IWS1: variants seen among roughly 807,000 people sequenced by gnomAD.
IWS1 encodes the protein interacts with SUPT6H, CTD assembly factor 1.
In IWS1, 27 loss-of-function variants were observed where a neutral mutation model predicts 86.7. The ratio of observed to expected loss-of-function variants is 0.31; its 90% confidence interval spans 0.23 to 0.43. IWS1 has a LOEUF of 0.43. Among genes scored for constraint, IWS1 ranks in the 20% least tolerant of loss-of-function variants. The probability of loss-of-function intolerance (pLI) is 1.00; values close to 1 mark genes in which losing one functional copy is unlikely to be tolerated. For synonymous variants in IWS1, 313 were observed against 335.1 expected (o/e 0.93, Z 0.72); for missense variants, 827 against 1,000.8 (o/e 0.83, Z 2.34).
In IWS1 at chr2:127,505,603, A is replaced by G. The variant is rs779955170; in HGVS notation, c.300T>C (p.Arg100=). The change falls in exon 3 of 14, where the codon CGT becomes CGC. Residue 100 remains arginine, a synonymous_variant. Transcript: ENST00000295321. This position sits in a 1 kb window ranked among gnomAD's most constrained non-coding sequence, Gnocchi z 5.0. ...QKDSDSESEE[R]AEPPASDSEN... ...CAGAATCGCTTGCAGGAGGCTCTGC[A>G]CGTTCCTCAGATTCAGAGTCGCTGT... 124 of 1,613,722 alleles carry G rather than the reference A, an allele frequency of 7.7e-5. No homozygotes were observed. The highest frequency in any genetic ancestry group is 1.0e-4 in the Non-Finnish European group (118 of 1,179,958).
intron 2 of IWS1, among the ~76,000 whole-genome samples, chr2:127,515,933 G>A (rs1286825709): frequency 5.9e-5 from 9 of 152,152 alleles, no homozygotes; most frequent in Non-Finnish European, 1.3e-4. Flanking sequence ...GCTAAGTTCC[G>A]AAAGACTGCA....
chr2:127,498,568 A>G (rs1690631419), intron 5 of IWS1: 1 of 185,010 alleles, frequency 5.4e-6, no homozygotes, highest in Admixed American at 6.1e-5. Flanking sequence ...CCATGTCAGT[A>G]TTAAGTCTTG....
chr2:127,490,357 T>A (rs971700575), intron 10 of IWS1, among the ~76,000 whole-genome samples: 57 of 152,342 alleles, frequency 3.7e-4, no homozygotes, highest in African/African-American at 1.3e-3. Flanking sequence ...CAAACTCCTT[T>A]ACAACTACCT....
At chr2:127,482,747 G>C (rs1015173712) in intron 13 of IWS1, 1 of 152,206 alleles carries the variant, frequency 6.6e-6, no homozygotes, top group South Asian at 2.1e-4. Flanking sequence ...AGTTGCAGAT[G>C]CCTACTTACC....
intron 2 of IWS1, among the ~76,000 whole-genome samples, chr2:127,510,263 C>G (rs1691377041): frequency 6.6e-6 from 1 of 152,108 alleles, no homozygotes. Flanking sequence ...CTGAGAAACC[C>G]TGCAGTAAAA....
chr2:127,486,405 T>A (rs912136887), intron 13 of IWS1, 148 bp downstream of exon 13: 2 of 588,826 alleles, frequency 3.4e-6, no homozygotes, highest in African/African-American at 3.7e-5. Flanking sequence ...ATTGCTCAAT[T>A]TGTGGTTTGG....
At chr2:127,488,989 GAATT>G (rs1289284135) in intron 12 of IWS1, among the ~76,000 whole-genome samples, 186 bp downstream of exon 12, 9 of 152,152 alleles carry the variant, frequency 5.9e-5, no homozygotes, top group South Asian at 2.1e-4. Flanking sequence ...TTTATTGAAT[GAATT>G]ATTTTCTCAA....
chr2:127,507,218 AAAC>A (rs1465092404), intron 2 of IWS1, among the ~76,000 whole-genome samples: 2 of 152,164 alleles, frequency 1.3e-5, no homozygotes, highest in Admixed American at 1.3e-4. Context: ...CATAAAACCC[AAAC>A]TTTTACTAAC....
Position 127,523,249 on chromosome 2 carries a change from G to A in IWS1, c.150+427C>T, listed in dbSNP as rs149870841. On this transcript the variant is annotated intron_variant, in intron 2 of 13. Coordinates refer to ENST00000295321, the MANE Select transcript of IWS1 (RefSeq NM_017969.3). ...TATTATTACATACATTATATACACCGTAACAGTTCAAAATCAGAAGGGCAA... is the reference window on the plus strand; with the variant it reads ...TATTATTACATACATTATATACACCATAACAGTTCAAAATCAGAAGGGCAA... 9.5e-3 allele frequency among the ~76,000 whole-genome samples: 1,452 copies of A among 152,088 alleles called. 15 individuals are homozygous for A. The highest frequency in any genetic ancestry group is 0.033 in the African/African-American group (1,370 of 41,478).
intron 13 of IWS1, among the ~76,000 whole-genome samples, chr2:127,483,631 CGTGTGTGTGT>C (rs374712537): frequency 2.5e-5 from 1 of 39,852 alleles, no homozygotes; most frequent in African/African-American, 8.4e-5. Flanking sequence ...TGTGCGTGTG[CGTGTGTGTGT>C]GTGTGTGTTT....
rs374257318 is a variant in IWS1 at position 127,505,623 on chromosome 2, C to T, written c.280G>A (p.Asp94Asn). The change falls in exon 3 of 14, where the codon GAC (aspartate) becomes AAC (asparagine). Residue 94 changes from aspartate (D) to asparagine (N), a missense_variant. Coordinates refer to ENST00000295321, the MANE Select transcript of IWS1 (RefSeq NM_017969.3). This position sits in a 1 kb window ranked among gnomAD's most constrained non-coding sequence, Gnocchi z 5.0. Reference sequence around the variant, plus strand: ...TCTGCACGTTCCTCAGATTCAGAGTCGCTGTCCTTTTGCCTGTGAAGCTCC... The same window carrying T: ...TCTGCACGTTCCTCAGATTCAGAGTTGCTGTCCTTTTGCCTGTGAAGCTCC... ...SEELHRQKDS[D>N]SESEERAEPP... 5.4e-5 allele frequency: 87 copies of T among 1,613,886 alleles called. No individual in the cohort carries two copies. Among genetic ancestry groups the T allele is most frequent in the Non-Finnish European group, 7.1e-5 (84 of 1,179,998 alleles).
In IWS1 at chr2:127,526,054, G is replaced by A. The variant is rs1692391629; in HGVS notation, c.34+121C>T. 3 of 926,474 alleles carry A rather than the reference G, an allele frequency of 3.2e-6. No homozygotes were observed. In the Admixed American group the frequency reaches 7.7e-5, roughly 24 times the overall value. The allele number at this position is 926,474 out of a possible 1,614,324, so 57.4% of individuals were successfully genotyped here. ...GTCAGAGGGCTCTTGCCCTCCTCGGGCCGGGTCGCGGGAGGGAAGGTTTCG... is the reference window on the plus strand; with the variant it reads ...GTCAGAGGGCTCTTGCCCTCCTCGGACCGGGTCGCGGGAGGGAAGGTTTCG... On this transcript the variant is annotated intron_variant, in intron 1 of 13. Transcript: ENST00000295321.
chr2:127,512,638 G>A (rs925064520), intron 2 of IWS1, among the ~76,000 whole-genome samples: 2 of 152,062 alleles, frequency 1.3e-5, no homozygotes, highest in Non-Finnish European at 1.5e-5. Context: ...CCCCTAACCC[G>A]TTTCTCCAAC....
chr2:127,516,520 G>A (rs969844332), intron 2 of IWS1, among the ~76,000 whole-genome samples: 3 of 152,156 alleles, frequency 2.0e-5, no homozygotes, highest in Admixed American at 2.0e-4. Flanking sequence ...CAGTACTGCT[G>A]AGAGGCCAGG....
chr2:127,519,808 G>T (rs577394972), intron 2 of IWS1, among the ~76,000 whole-genome samples: 1 of 152,152 alleles, frequency 6.6e-6, no homozygotes, highest in African/African-American at 2.4e-5. Flanking sequence ...TTACAGGAGG[G>T]ATACAGGAAG....
At chr2:127,496,439 T>A (rs575738455) in intron 6 of IWS1, among the ~76,000 whole-genome samples, 1 of 152,234 alleles carries the variant, frequency 6.6e-6, no homozygotes, top group South Asian at 2.1e-4. Context: ...CCTATGGTAG[T>A]GTACAGTAAT....
Position 127,499,342 on chromosome 2 carries a change from G to A in IWS1, c.1468-1105C>T, listed in dbSNP as rs1236792667. Among the ~76,000 whole-genome samples, 3 of 151,994 alleles carry A rather than the reference G, an allele frequency of 2.0e-5. No individual in the cohort carries two copies. Among genetic ancestry groups the A allele is most frequent in the Middle Eastern group, 3.2e-3 (1 of 316 alleles). On this transcript the variant is annotated intron_variant, in intron 5 of 13. Coordinates refer to ENST00000295321, the MANE Select transcript of IWS1 (RefSeq NM_017969.3). This position sits in a 1 kb window ranked among gnomAD's most constrained non-coding sequence, Gnocchi z 4.0. ...CCTGACCTTGTGAGCCGCCCACCTC[G>A]GCCTCCCAAAGTGCTGGGATTACAG...
intron 2 of IWS1, among the ~76,000 whole-genome samples, chr2:127,520,400 C>G (rs1692030655): frequency 2.6e-5 from 4 of 152,172 alleles, no homozygotes; most frequent in Admixed American, 1.3e-4. Flanking sequence ...ATCTCTTGAC[C>G]TCATGATCCA....
In IWS1 at chr2:127,502,870, T is replaced by A. The variant is rs533950933; in HGVS notation, c.1412A>T (p.Asn471Ile). 2 of 1,519,032 alleles carry A rather than the reference T, an allele frequency of 1.3e-6. No homozygotes were observed. Among genetic ancestry groups the A allele is most frequent in the Admixed American group, 1.7e-5 (1 of 59,232 alleles). 94.1% of individuals were successfully genotyped at this position (1,519,032 alleles called of 1,614,324 possible). ...TTCTCCAAATATGTCTGCAATAAGA[T>A]TTCTAGAAAGTAGACAAATGTAAAA... ...SDSESGNEEE[N>I]LIADIFGESG... is the part of the protein sequence containing the mutation. Residue 471 changes from asparagine (N) to isoleucine (I), a missense_variant and splice_region_variant, in exon 5 of 14, where the codon AAT becomes ATT. This residue lies in a region of IWS1 where 279 missense variants were observed against 440.6 expected (regional missense o/e 0.63). Coordinates refer to ENST00000295321, the MANE Select transcript of IWS1 (RefSeq NM_017969.3).
Sources: gnomAD v4.1 joint callset for allele counts (sites outside exome capture counted in the v4.1 genomes callset) on GRCh38, gnomAD v4.1.1 for gene constraint, gnomAD v4.1.1 regional missense constraint, Gnocchi (gnomAD v3.1) non-coding constraint, MANE v1.5 for transcripts, NCBI Gene and HGNC (gene_info 2026-07-23, HGNC 2026-07-21) for gene names.